The following ZPLD1 variants were observed in gnomAD, a reference collection of about 807,000 sequenced individuals.
ZPLD1 encodes the protein zona pellucida-like domain-containing protein 1.
In ZPLD1, 34 loss-of-function variants were observed where a neutral mutation model predicts 47.2. That is an observed-to-expected ratio of 0.72 (90% CI 0.55 to 0.96). ZPLD1 has a LOEUF of 0.96. ZPLD1 is among the 40% of genes least tolerant of loss of function. The pLI is 0.00. For missense variants in ZPLD1, 512 were observed against 505.8 expected, an observed-to-expected ratio of 1.01 and a Z score of -0.12; for synonymous variants, 176 against 186.2, an observed-to-expected ratio of 0.95 and a Z score of 0.45.
intron 7 of ZPLD1, among the ~76,000 whole-genome samples, chr3:102,395,496 A>G (rs189464298): frequency 6.6e-6 from 1 of 152,242 alleles, no homozygotes; most frequent in East Asian, 1.9e-4. Context: ...GAATGTAGGC[A>G]GCCTCTGGGG....
intron 7 of ZPLD1, among the ~76,000 whole-genome samples, chr3:102,416,937 C>G (rs1326668140): frequency 6.6e-6 from 1 of 151,880 alleles, no homozygotes; most frequent in Non-Finnish European, 1.5e-5. Flanking sequence ...TTGCTTCTGG[C>G]TATTATATTT....
chr3:102,429,518 A>T (rs981584705), intron 8 of ZPLD1, among the ~76,000 whole-genome samples: 2 of 151,840 alleles, frequency 1.3e-5, no homozygotes, highest in African/African-American at 4.8e-5. Flanking sequence ...ATCTCCTTGG[A>T]CTCTTTTTAG....
At position 102,477,486 on chromosome 3, in the gene ZPLD1, C is replaced by A; in HGVS notation, c.1116C>A (p.Ser372Arg). The change falls in exon 12 of 12, where the codon AGC becomes AGA. Residue 372 changes from serine (S) to arginine (R), a missense_variant. Ser to Arg is a moderately radical substitution (Grantham distance 110). Coordinates refer to ENST00000466937, the MANE Select transcript of ZPLD1 (RefSeq NM_001329788.2). ...CCTTCCAGCTGAACGCCATCACCAG[C>A]GCACTGATATCAGGAATGGTCATTC... is the stretch of plus-strand genomic sequence containing the variant. ...MPPFQLNAIT[S>R]ALISGMVILG... 3.1e-6 allele frequency: 5 copies of A among 1,613,734 alleles called. No homozygotes were observed. The highest frequency in any genetic ancestry group is 4.2e-6 in the Non-Finnish European group (5 of 1,179,728).
At chr3:102,464,146 A>T (rs1707554237) in intron 7 of ZPLD1, 25 bp from the exon 8 acceptor site, 1 of 1,552,248 alleles carries the variant, frequency 6.4e-7, no homozygotes, top group Non-Finnish European at 8.9e-7. Flanking sequence ...CTGACTCTAG[A>T]TTATGTTTGC....
chr3:102,395,373 T>C (rs1212159728), intron 7 of ZPLD1, among the ~76,000 whole-genome samples: 1 of 152,112 alleles, frequency 6.6e-6, no homozygotes, highest in Admixed American at 6.6e-5. Context: ...GTAGGTCCAA[T>C]GTAGTCATAT....
chr3:102,400,188 T>C (rs1280695756), intron 7 of ZPLD1, among the ~76,000 whole-genome samples: 2 of 152,098 alleles, frequency 1.3e-5, no homozygotes, highest in African/African-American at 4.8e-5. Flanking sequence ...GCTAAGGTAG[T>C]CATGATGTGT....
intron 8 of ZPLD1, among the ~76,000 whole-genome samples, chr3:102,467,836 T>TACACAC (rs61096565): frequency 0.032 from 4,521 of 140,932 alleles, 79 homozygotes; most frequent in African/African-American, 0.039. Flanking sequence ...AATAAAACTG[T>TACACAC]ACACACACAC....
In ZPLD1 at chr3:102,436,866, C is replaced by T. The variant is rs2107319254; in HGVS notation, c.-116C>T. 2 of 984,954 alleles carry T rather than the reference C, an allele frequency of 2.0e-6. No homozygotes were observed. The highest frequency in any genetic ancestry group is 3.5e-5 in the African/African-American group (2 of 57,352). The allele number at this position is 984,954 out of a possible 1,614,324, so 61.0% of individuals were successfully genotyped here. A position where few individuals can be genotyped will look rare whatever the true frequency, so the allele number is the denominator to read the frequency against. On this transcript the variant is annotated 5_prime_UTR_variant, in exon 2 of 12. Coordinates refer to ENST00000466937, the MANE Select transcript of ZPLD1 (RefSeq NM_001329788.2). ...TGATTCTGTAATTTCTTAGGATACA[C>T]CTCTGTGTTGGGGACAACAGTGTGG... is the stretch of plus-strand genomic sequence containing the variant.
At position 102,477,042 on chromosome 3, in the gene ZPLD1, G is replaced by A. The variant is rs759336829; in HGVS notation, c.1072+1G>A. The A allele has an allele frequency of 6.2e-7, 1 of 1,613,348 alleles. No individual in the cohort carries two copies. The highest frequency in any genetic ancestry group is 8.5e-7 in the Non-Finnish European group (1 of 1,179,592). On this transcript the variant is annotated splice_donor_variant, in intron 11 of 11. Coordinates refer to ENST00000466937, the MANE Select transcript of ZPLD1 (RefSeq NM_001329788.2). LOFTEE classifies it high-confidence loss of function. ...ACTCCAACCAACAATTCGCAACTTG[G>A]TAAGATAATTAACATATTTTGCAAT...
chr3:102,426,996 G>T (rs1043383564), intron 8 of ZPLD1, among the ~76,000 whole-genome samples: 4 of 152,174 alleles, frequency 2.6e-5, no homozygotes, highest in Non-Finnish European at 5.9e-5. Flanking sequence ...AGGCAGCTCT[G>T]TTTGCTTCAA....
At chr3:102,434,677 T>C (rs1470786110), upstream of ZPLD1, among the ~76,000 whole-genome samples, 1 of 152,216 alleles carries the variant, frequency 6.6e-6, no homozygotes, top group Non-Finnish European at 1.5e-5. Flanking sequence ...CAGACTGTGG[T>C]ATTAATATTT....
intron 4 of ZPLD1, among the ~76,000 whole-genome samples, chr3:102,454,362 T>G (rs1437072829): frequency 6.6e-6 from 1 of 152,092 alleles, no homozygotes; most frequent in African/African-American, 2.4e-5. Context: ...CAAGTCCCTG[T>G]TCTGTGTGGA....
At chr3:102,397,608 A>T (rs1369190499) in intron 7 of ZPLD1, among the ~76,000 whole-genome samples, 4 of 152,108 alleles carry the variant, frequency 2.6e-5, no homozygotes, top group Non-Finnish European at 5.9e-5. Flanking sequence ...GGTCTGTGTT[A>T]TGTCAGTCTC....
intron 8 of ZPLD1, among the ~76,000 whole-genome samples, chr3:102,420,152 A>G (rs1341245978): frequency 6.6e-6 from 1 of 151,930 alleles, no homozygotes; most frequent in African/African-American, 2.4e-5. Context: ...TCAAGACCTC[A>G]ATGATGAGGC....
chr3:102,415,748 G>A (rs1395885926), intron 7 of ZPLD1, among the ~76,000 whole-genome samples: 1 of 151,788 alleles, frequency 6.6e-6, no homozygotes, highest in African/African-American at 2.4e-5. Context: ...GACAAGGAGG[G>A]CTTTTTACTT....
At chr3:102,475,658 AT>A (rs1707747909) in intron 10 of ZPLD1, among the ~76,000 whole-genome samples, 2 of 151,986 alleles carry the variant, frequency 1.3e-5, no homozygotes, top group African/African-American at 4.8e-5. Context: ...AGAGGTTAGG[AT>A]TTTTCTGAAT....
intron 10 of ZPLD1, among the ~76,000 whole-genome samples, chr3:102,473,545 C>T (rs963468757): frequency 2.0e-5 from 3 of 152,112 alleles, no homozygotes; most frequent in African/African-American, 7.2e-5. Context: ...CTCATGCTTT[C>T]AGGGTCCCCT....
chr3:102,449,436 C>T (rs1375020582), intron 3 of ZPLD1, among the ~76,000 whole-genome samples: 4 of 152,128 alleles, frequency 2.6e-5, no homozygotes, highest in Admixed American at 2.6e-4. Flanking sequence ...CAACTGTGTT[C>T]AGAAAATACT....
At chr3:102,472,221 G>A (rs911169286) in intron 10 of ZPLD1, among the ~76,000 whole-genome samples, 2 of 152,080 alleles carry the variant, frequency 1.3e-5, no homozygotes, top group South Asian at 2.1e-4. Flanking sequence ...TTTGGTATGT[G>A]CTTTGACCGG....
Sources: allele counts gnomAD v4.1 joint callset (sites outside exome capture counted in the v4.1 genomes callset), GRCh38; gene constraint gnomAD v4.1.1; transcripts MANE v1.5; gene names NCBI Gene and HGNC (gene_info 2026-07-23, HGNC 2026-07-21).